The following SSPN variants were observed in gnomAD, a reference collection of about 807,000 sequenced individuals.
SSPN encodes sarcospan.
A neutral mutation model predicts 19.1 loss-of-function variants in SSPN; 15 were observed. The ratio of observed to expected loss-of-function variants is 0.78; its 90% CI spans 0.52 to 1.21. The LOEUF (loss-of-function observed/expected upper bound fraction) is 1.21, where lower values mean the gene tolerates loss of function less well. Among genes scored for constraint, SSPN ranks in the 50% most tolerant of loss-of-function variants. The pLI, the probability that SSPN is intolerant of heterozygous loss-of-function variation, is 0.00. For missense variants in SSPN, 291 were observed against 314.0 expected, an observed-to-expected ratio of 0.93 and a Z score of 0.55; for synonymous variants, 147 against 140.3, an observed-to-expected ratio of 1.05 and a Z score of -0.34.
upstream of SSPN, chr12:26,195,539 G>T: frequency 1.6e-6 from 2 of 1,261,282 alleles, no homozygotes. Flanking sequence ...TCGGTGAGTC[G>T]GCTCCAAATG....
upstream of SSPN, chr12:26,195,312 G>A (rs74075037): frequency 0.023 from 5,514 of 235,334 alleles, 288 homozygotes; most frequent in African/African-American, 0.12. Flanking sequence ...CTGGAGTTTT[G>A]AGTGAGGAAA....
At position 26,165,448 on chromosome 12, in the gene SSPN, C is replaced by T. The variant is rs138653842; in HGVS notation, c.-31+43296C>T. Among the ~76,000 whole-genome samples, 64 of 152,264 alleles carry T rather than the reference C, an allele frequency of 4.2e-4. 1 individual carries two copies. Among genetic ancestry groups the T allele is most frequent in the African/African-American group, 1.3e-3 (52 of 41,544 alleles). The stretch of plus-strand genomic sequence containing the variant: ...TCTGTGTGTCCTAATTGAATATTTT[C>T]GATTTTGCACTTATGGCCTGGAGCA... On this transcript the variant is annotated intron_variant, in intron 1 of 2. Coordinates refer to the SSPN transcript ENST00000538142.
Position 26,195,643 on chromosome 12 carries a change from A to ACTCCCCCCC in SSPN, c.-29_-28insTCCCCCCCC. The ACTCCCCCCC allele has an allele frequency of 4.1e-6, 1 of 242,024 alleles. No homozygotes were observed. Among genetic ancestry groups the ACTCCCCCCC allele is most frequent in the Non-Finnish European group, 6.7e-6 (1 of 150,342 alleles). The allele number at this position is 242,024 out of a possible 1,614,324, so 15.0% of individuals were successfully genotyped here. A position where few individuals can be genotyped will look rare whatever the true frequency, so the allele number is the denominator to read the frequency against. The stretch of plus-strand genomic sequence containing the variant: ...CCAGGGCCCAGGGCGCCGCACACGC[A>ACTCCCCCCC]CCCACCCACCCACCCAGCCTCGCAG... On this transcript the variant is annotated 5_prime_UTR_variant, in exon 1 of 3. Transcript: ENST00000242729.
chr12:26,142,261 G>A (rs2620704), intron 1 of SSPN, among the ~76,000 whole-genome samples: 151,613 of 152,324 alleles, frequency 1, 75,455 homozygotes, highest in East Asian at 1. Flanking sequence ...TGATGACACT[G>A]TTGATAGTAT....
intron 1 of SSPN, among the ~76,000 whole-genome samples, chr12:26,220,247 CA>C (rs58022147): frequency 0.015 from 1,763 of 114,372 alleles, 11 homozygotes; most frequent in Non-Finnish European, 0.021. Context: ...AAGCTGTAGG[CA>C]AAAAAAAAAA....
intron 1 of SSPN, among the ~76,000 whole-genome samples, chr12:26,174,388 TAA>T (rs1054204672): frequency 2.0e-5 from 3 of 152,200 alleles, no homozygotes; most frequent in African/African-American, 7.2e-5. Flanking sequence ...ATTTAAAGTG[TAA>T]AGTTTGGTAA....
At chr12:26,141,811 G>C (rs532146590) in intron 1 of SSPN, among the ~76,000 whole-genome samples, 1 of 152,256 alleles carries the variant, frequency 6.6e-6, no homozygotes, top group South Asian at 2.1e-4. Context: ...TTTAAAAAAT[G>C]CATGAAAACA....
At chr12:26,147,486 G>T (rs1481917694) in intron 1 of SSPN, among the ~76,000 whole-genome samples, 2 of 152,154 alleles carry the variant, frequency 1.3e-5, no homozygotes, top group Admixed American at 1.3e-4. Flanking sequence ...GGCCAGGTTG[G>T]TCTTGAACTC....
At chr12:26,132,453 C>T (rs1591843094) in intron 1 of SSPN, among the ~76,000 whole-genome samples, 1 of 152,180 alleles carries the variant, frequency 6.6e-6, no homozygotes, top group Non-Finnish European at 1.5e-5. Context: ...CTTTTTGGTA[C>T]ATTTGAGATA....
intron 1 of SSPN, among the ~76,000 whole-genome samples, chr12:26,157,101 C>T (rs1425886937): frequency 6.6e-6 from 1 of 152,180 alleles, no homozygotes; most frequent in Non-Finnish European, 1.5e-5. Context: ...TTAGTAAAAA[C>T]AACTCTGGTC....
At chr12:26,209,526 T>A (rs1944962647) in intron 1 of SSPN, among the ~76,000 whole-genome samples, 1 of 152,116 alleles carries the variant, frequency 6.6e-6, no homozygotes, top group Non-Finnish European at 1.5e-5. Context: ...TTTCTCAGAT[T>A]TTCTGGTTCA....
intron 1 of SSPN, among the ~76,000 whole-genome samples, chr12:26,185,822 C>T (rs567255558): frequency 3.4e-4 from 52 of 152,186 alleles, no homozygotes; most frequent in Non-Finnish European, 6.0e-4. Flanking sequence ...GTGTGCCTGT[C>T]TGTGCCTTAC....
At chr12:26,137,519 T>C (rs1944432415) in intron 1 of SSPN, among the ~76,000 whole-genome samples, 1 of 151,512 alleles carries the variant, frequency 6.6e-6, no homozygotes, top group African/African-American at 2.4e-5. Flanking sequence ...AATGAGGATC[T>C]TATATGCCTG....
intron 1 of SSPN, among the ~76,000 whole-genome samples, chr12:26,164,095 A>G (rs1944606525): frequency 6.6e-6 from 1 of 152,234 alleles, no homozygotes; most frequent in Non-Finnish European, 1.5e-5. Flanking sequence ...TAAGCAGATC[A>G]CTCAACTGAA....
At chr12:26,195,417 G>A, upstream of SSPN, 1 of 519,682 alleles carries the variant, frequency 1.9e-6, no homozygotes, top group Middle Eastern at 5.5e-4. Context: ...TTCCGCGGGC[G>A]ACCTGCAAAT....
At chr12:26,156,346 G>C (rs1287882309) in intron 1 of SSPN, among the ~76,000 whole-genome samples, 2 of 152,214 alleles carry the variant, frequency 1.3e-5, no homozygotes, top group Admixed American at 6.5e-5. Flanking sequence ...GGGAAAGGAA[G>C]TGCTAAGCCT....
intron 1 of SSPN, among the ~76,000 whole-genome samples, chr12:26,198,500 AG>A (rs150131023): frequency 0.059 from 9,003 of 152,294 alleles, 920 homozygotes; most frequent in African/African-American, 0.21. Context: ...CACTTAAAAT[AG>A]TGCCAACGAA....
intron 1 of SSPN, chr12:26,123,173 G>A (rs768071227): frequency 1.9e-6 from 3 of 1,582,358 alleles, no homozygotes; most frequent in Non-Finnish European, 1.7e-6. Flanking sequence ...GCTCCCCTAG[G>A]ATGAGGAAGG....
rs539892002 is a variant in SSPN, at chr12:26,232,024, A to G, written c.*948A>G. 1.6e-5 allele frequency: 16 copies of G among 985,188 alleles called. No individual in the cohort carries two copies. Among genetic ancestry groups the G allele is most frequent in the Non-Finnish European group, 2.4e-6 (2 of 829,852 alleles). The allele number at this position is 985,188 out of a possible 1,614,324, so 61.0% of individuals were successfully genotyped here. On this transcript the variant is annotated 3_prime_UTR_variant, in exon 3 of 3. Coordinates refer to ENST00000242729, the MANE Select transcript of SSPN (RefSeq NM_005086.5). ...ACCACAAGGAAAAAAAAAATTATTAATAGCTCAGGTTAAAAACACCCATTT... is the reference window on the plus strand; with the variant it reads ...ACCACAAGGAAAAAAAAAATTATTAGTAGCTCAGGTTAAAAACACCCATTT...
Sources: gnomAD v4.1 joint callset for allele counts (sites outside exome capture counted in the v4.1 genomes callset) on GRCh38, gnomAD v4.1.1 for gene constraint, MANE v1.5 for transcripts, NCBI Gene and HGNC (gene_info 2026-07-23, HGNC 2026-07-21) for gene names.